PLXNA4: variants seen among roughly 807,000 people sequenced by gnomAD.
PLXNA4 encodes plexin-A4.
In PLXNA4, 44 loss-of-function variants were observed where a neutral mutation model predicts 191.8. The observed-to-expected ratio is 0.23, with a 90% CI of 0.18 to 0.29. The LOEUF is 0.29. Among genes scored for constraint, PLXNA4 ranks in the 10% least tolerant of loss-of-function variants. The probability of loss-of-function intolerance (pLI) is 1.00; values close to 1 mark genes in which losing one functional copy is unlikely to be tolerated. For missense variants in PLXNA4, 1,800 were observed against 2,488.8 expected (o/e 0.72, Z 5.89); for synonymous variants, 1,082 against 1,009.5 (o/e 1.07, Z -1.36).
chr7:132,254,399 G>T (rs185738187), intron 4 of PLXNA4, among the ~76,000 whole-genome samples: 1 of 152,192 alleles, frequency 6.6e-6, no homozygotes, highest in African/African-American at 2.4e-5. Flanking sequence ...GTAAAGGGTT[G>T]TGTGCACATC....
intron 14 of PLXNA4, among the ~76,000 whole-genome samples, chr7:132,187,881 A>T (rs1796931389): frequency 6.6e-6 from 1 of 152,172 alleles, no homozygotes; most frequent in African/African-American, 2.4e-5. Context: ...ATAATTATAC[A>T]TGTATGTGTA....
intron 4 of PLXNA4, among the ~76,000 whole-genome samples, chr7:132,279,361 G>C (rs571690873): frequency 6.6e-6 from 1 of 152,286 alleles, no homozygotes; most frequent in South Asian, 2.1e-4. Context: ...GAAAATTAAG[G>C]CTGGGCATGG....
chr7:132,326,276 C>T (rs1434958163), intron 3 of PLXNA4, among the ~76,000 whole-genome samples: 1 of 152,180 alleles, frequency 6.6e-6, no homozygotes, highest in Non-Finnish European at 1.5e-5. Flanking sequence ...CTCACCTTGC[C>T]AACTCCAGAT....
At chr7:132,586,007 G>A (rs892901019) in intron 2 of PLXNA4, among the ~76,000 whole-genome samples, 1 of 152,164 alleles carries the variant, frequency 6.6e-6, no homozygotes, top group Non-Finnish European at 1.5e-5. Flanking sequence ...TTATATCAAG[G>A]AAACGTAAGA....
chr7:132,377,498 A>G (rs1804708313), intron 3 of PLXNA4, among the ~76,000 whole-genome samples: 1 of 152,066 alleles, frequency 6.6e-6, no homozygotes, highest in African/African-American at 2.4e-5. Flanking sequence ...TCCCCTGTGC[A>G]GGTAGGAAAA....
At chr7:132,612,882 C>T (rs1803080647) in intron 2 of PLXNA4, among the ~76,000 whole-genome samples, 1 of 151,902 alleles carries the variant, frequency 6.6e-6, no homozygotes, top group Non-Finnish European at 1.5e-5. Context: ...GTGAGAACCA[C>T]TGATTTCTAT....
At chr7:132,436,970 A>G (rs1302827994) in intron 3 of PLXNA4, among the ~76,000 whole-genome samples, 1 of 152,140 alleles carries the variant, frequency 6.6e-6, no homozygotes, top group African/African-American at 2.4e-5. Flanking sequence ...TGACTTGGAT[A>G]TGACTGGGCT....
intron 3 of PLXNA4, among the ~76,000 whole-genome samples, chr7:132,402,628 T>C (rs1794039775): frequency 6.6e-6 from 1 of 152,174 alleles, no homozygotes. Flanking sequence ...AAAGCCTGCT[T>C]TCTCACCTTG....
chr7:132,511,727 T>A (rs1051125051), intron 1 of PLXNA4, among the ~76,000 whole-genome samples: 1 of 152,200 alleles, frequency 6.6e-6, no homozygotes, highest in Non-Finnish European at 1.5e-5. Flanking sequence ...AATGAGATGG[T>A]TCCTGGTGGT....
chr7:132,422,044 TC>T (rs1306016522), intron 3 of PLXNA4, among the ~76,000 whole-genome samples: 8 of 152,222 alleles, frequency 5.3e-5, no homozygotes, highest in South Asian at 2.1e-4. Flanking sequence ...GAAGTCGTTG[TC>T]AAATAGACAC....
At chr7:132,494,026 GA>G (rs1328640563) in intron 2 of PLXNA4, among the ~76,000 whole-genome samples, 2 of 152,116 alleles carry the variant, frequency 1.3e-5, no homozygotes, top group East Asian at 3.9e-4. Context: ...AAAACATATA[GA>G]ACAATGTTTG....
At chr7:132,242,167 T>G (rs2117042248) in intron 4 of PLXNA4, among the ~76,000 whole-genome samples, 1 of 149,730 alleles carries the variant, frequency 6.7e-6, no homozygotes, top group Admixed American at 6.7e-5. Context: ...TTTTTTTTAA[T>G]TTTACATCAT....
At chr7:132,473,212 G>A (rs1796996014) in intron 3 of PLXNA4, among the ~76,000 whole-genome samples, 1 of 152,214 alleles carries the variant, frequency 6.6e-6, no homozygotes, top group South Asian at 2.1e-4. Flanking sequence ...CCCAAATCTT[G>A]CCACTGGCTC....
chr7:132,342,035 A>G (rs997668465), intron 3 of PLXNA4, among the ~76,000 whole-genome samples: 3 of 151,754 alleles, frequency 2.0e-5, no homozygotes, highest in African/African-American at 7.3e-5. Flanking sequence ...AAGCACTGGC[A>G]TCAAGGGAGG....
At chr7:132,513,116 A>C (rs1313858638) in intron 1 of PLXNA4, among the ~76,000 whole-genome samples, 3 of 152,234 alleles carry the variant, frequency 2.0e-5, no homozygotes, top group Non-Finnish European at 4.4e-5. Flanking sequence ...GGACTCATTT[A>C]TAGAAGCTGA....
At chr7:132,178,426 G>T (rs944411076) in intron 20 of PLXNA4, among the ~76,000 whole-genome samples, 1 of 152,148 alleles carries the variant, frequency 6.6e-6, no homozygotes, top group African/African-American at 2.4e-5. Flanking sequence ...TTATCAGTCT[G>T]CAGCTTTCCT....
chr7:132,489,544 A>T, intron 2 of PLXNA4, 70 bp from the exon 3 acceptor site: 1 of 1,304,344 alleles, frequency 7.7e-7, no homozygotes, highest in Non-Finnish European at 1.0e-6. Flanking sequence ...TAAGTCAGGA[A>T]ACTATGGAGG....
intron 3 of PLXNA4, among the ~76,000 whole-genome samples, chr7:132,356,670 C>A (rs1340866873): frequency 6.6e-6 from 1 of 152,194 alleles, no homozygotes; most frequent in Admixed American, 6.5e-5. Flanking sequence ...AACAAGGACA[C>A]AGTTGGATAA....
intron 2 of PLXNA4, among the ~76,000 whole-genome samples, chr7:132,644,742 T>C (rs1803832717): frequency 6.6e-6 from 1 of 152,250 alleles, no homozygotes; most frequent in East Asian, 1.9e-4. Context: ...AAAGAATATA[T>C]GATGTGCATG....
Sources: gnomAD v4.1 joint callset for allele counts (sites outside exome capture counted in the v4.1 genomes callset) on GRCh38, gnomAD v4.1.1 for gene constraint, MANE v1.5 for transcripts, NCBI Gene and HGNC (gene_info 2026-07-23, HGNC 2026-07-21) for gene names.